The following KCND2 variants were observed in gnomAD, a reference collection of about 807,000 sequenced individuals.
KCND2 encodes A-type voltage-gated potassium channel KCND2.
In KCND2, 16 loss-of-function variants were observed where a neutral mutation model predicts 54.4. That is an observed-to-expected ratio of 0.29 (90% CI 0.20 to 0.45). The LOEUF is 0.45. KCND2 is among the 20% of genes least tolerant of loss of function. The probability of loss-of-function intolerance (pLI) is 1.00; values close to 1 mark genes in which losing one functional copy is unlikely to be tolerated. For missense variants in KCND2, 486 were observed against 824.2 expected (o/e 0.59, Z 5.02); for synonymous variants, 317 against 310.7 (o/e 1.02, Z -0.21).
In KCND2 at chr7:120,678,777, T is replaced by TATAC. The variant is rs1335291654; in HGVS notation, c.1116-54125_1116-54124insTACA. Reference sequence around the variant, plus strand: ...ATATATATATATATATATATATATATACACATAAACACACACATTCTCTAT... The same window carrying TATAC: ...ATATATATATATATATATATATATATATACACACATAAACACACACATTCTCTAT... On this transcript the variant is annotated intron_variant, in intron 1 of 5. Coordinates refer to ENST00000331113, the MANE Select transcript of KCND2 (RefSeq NM_012281.3). Among the ~76,000 whole-genome samples the TATAC allele has an allele frequency of 9.6e-3, 1,181 of 122,460 alleles. 21 individuals are homozygous for TATAC. Among genetic ancestry groups the TATAC allele is most frequent in the African/African-American group, 0.03 (1,054 of 34,864 alleles). 80.3% of individuals were successfully genotyped at this position (122,460 alleles called of 152,430 possible).
At chr7:120,719,490 A>G (rs185348323) in intron 1 of KCND2, among the ~76,000 whole-genome samples, 103 of 152,278 alleles carry the variant, frequency 6.8e-4, no homozygotes, top group Non-Finnish European at 1.0e-4. Context: ...GACACCTATA[A>G]TGGAATCACT....
chr7:120,510,270 C>A (rs1252134652), intron 1 of KCND2, among the ~76,000 whole-genome samples: 3 of 152,114 alleles, frequency 2.0e-5, no homozygotes, highest in Non-Finnish European at 2.9e-5. Flanking sequence ...TAACAAACTT[C>A]TTGGCATTGA....
intron 1 of KCND2, among the ~76,000 whole-genome samples, chr7:120,396,212 C>T (rs1046066811): frequency 6.6e-6 from 1 of 151,974 alleles, no homozygotes; most frequent in Non-Finnish European, 1.5e-5. Context: ...ACCCTTTGAC[C>T]TAAACATATA....
intron 1 of KCND2, among the ~76,000 whole-genome samples, chr7:120,410,279 T>A (rs979865593): frequency 1.3e-5 from 2 of 151,068 alleles, no homozygotes; most frequent in Non-Finnish European, 3.0e-5. Context: ...CACACTATTT[T>A]TACAATGTAG....
At chr7:120,471,736 G>T (rs918889182) in intron 1 of KCND2, among the ~76,000 whole-genome samples, 1 of 152,036 alleles carries the variant, frequency 6.6e-6, no homozygotes, top group African/African-American at 2.4e-5. Flanking sequence ...TGTTGGACAG[G>T]ATTCTGAATT....
chr7:120,331,268 G>A (rs1364294771), intron 1 of KCND2, among the ~76,000 whole-genome samples: 1 of 152,024 alleles, frequency 6.6e-6, no homozygotes, highest in African/African-American at 2.4e-5. Context: ...TCATTTTGAA[G>A]CAAATTAATA....
rs1800976468 is a variant in KCND2 at position 120,385,590 on chromosome 7, C to CT, written c.1115+109845dup. Among the ~76,000 whole-genome samples, 7 of 152,076 alleles carry CT rather than the reference C, an allele frequency of 4.6e-5. No individual in the cohort carries two copies. In the South Asian group the frequency reaches 1.5e-3, roughly 32 times the overall value. ...AAAGGTCACTCAGTTATTCTGAACG[C>CT]TTGGCCTTCAAAGCCAATAACTTAT... On this transcript the variant is annotated intron_variant, in intron 1 of 5. Transcript: ENST00000331113.
intron 1 of KCND2, among the ~76,000 whole-genome samples, chr7:120,393,080 C>G (rs1405658115): frequency 6.6e-6 from 1 of 151,934 alleles, no homozygotes; most frequent in Non-Finnish European, 1.5e-5. Flanking sequence ...GCCTCACTGT[C>G]TCTTCTTATG....
chr7:120,734,656 C>G (rs1486376237), intron 2 of KCND2, among the ~76,000 whole-genome samples: 1 of 152,080 alleles, frequency 6.6e-6, no homozygotes, highest in Non-Finnish European at 1.5e-5. Context: ...TCTTGGAAAT[C>G]TCTTTTGTAG....
chr7:120,358,480 C>T (rs922663075), intron 1 of KCND2, among the ~76,000 whole-genome samples: 59 of 152,154 alleles, frequency 3.9e-4, no homozygotes, highest in East Asian at 1.2e-3. Flanking sequence ...GATTTTGGTG[C>T]TTTAATGACT....
intron 1 of KCND2, among the ~76,000 whole-genome samples, chr7:120,722,276 TTGAGTGAGAACACCAGGCCTTTC>T (rs926589376): frequency 3.9e-5 from 6 of 152,132 alleles, no homozygotes; most frequent in African/African-American, 9.7e-5. Flanking sequence ...GAGTGGTCAG[TTGAGTGAGAACACCAGGCCTTTC>T]TGAGTGAGAA....
chr7:120,665,003 GCTTTT>G (rs1791907950), intron 1 of KCND2, among the ~76,000 whole-genome samples: 1 of 151,988 alleles, frequency 6.6e-6, no homozygotes, highest in African/African-American at 2.4e-5. Context: ...CTGGCTTATT[GCTTTT>G]CATTTTACAA....
At chr7:120,541,323 A>G (rs187207022) in intron 1 of KCND2, among the ~76,000 whole-genome samples, 1 of 152,304 alleles carries the variant, frequency 6.6e-6, no homozygotes, top group East Asian at 1.9e-4. Flanking sequence ...ATAATCAGAA[A>G]CAACACTGGG....
intron 1 of KCND2, among the ~76,000 whole-genome samples, chr7:120,569,490 T>G (rs1445793851): frequency 6.6e-6 from 1 of 152,150 alleles, no homozygotes; most frequent in African/African-American, 2.4e-5. Flanking sequence ...AGTTTTAGCC[T>G]TCTGCCTATT....
intron 1 of KCND2, among the ~76,000 whole-genome samples, chr7:120,578,204 A>G (rs1792464141): frequency 1.3e-5 from 2 of 152,188 alleles, no homozygotes; most frequent in Admixed American, 6.5e-5. Context: ...AGGAGGATCA[A>G]TTGAGCCTGG....
intron 1 of KCND2, among the ~76,000 whole-genome samples, chr7:120,385,638 A>G (rs75485651): frequency 0.015 from 2,233 of 152,284 alleles, 43 homozygotes; most frequent in African/African-American, 0.052. Context: ...AAACAAAAAT[A>G]AAACCATATA....
At chr7:120,420,964 CAA>C (rs1424427225) in intron 1 of KCND2, among the ~76,000 whole-genome samples, 1 of 151,738 alleles carries the variant, frequency 6.6e-6, no homozygotes, top group East Asian at 1.9e-4. Flanking sequence ...GTAATAATAA[CAA>C]TATATGTAAC....
chr7:120,570,023 T>C (rs1030228895), intron 1 of KCND2, among the ~76,000 whole-genome samples: 7 of 152,190 alleles, frequency 4.6e-5, no homozygotes, highest in Non-Finnish European at 1.0e-4. Context: ...GCATTAAGGA[T>C]ATTCAGAGAA....
chr7:120,462,155 A>G (rs368200768), intron 1 of KCND2, among the ~76,000 whole-genome samples: 1 of 142,538 alleles, frequency 7.0e-6, no homozygotes, highest in East Asian at 2.3e-4. Context: ...TTATTTCCTT[A>G]GCACACTTCA....
Sources: allele counts gnomAD v4.1 joint callset (sites outside exome capture counted in the v4.1 genomes callset), GRCh38; gene constraint gnomAD v4.1.1; transcripts MANE v1.5; gene names NCBI Gene and HGNC (gene_info 2026-07-23, HGNC 2026-07-21).